The following NEGR1 variants were observed in gnomAD, a reference collection of about 807,000 sequenced individuals.
The protein encoded by NEGR1 is neuronal growth regulator 1.
A neutral mutation model predicts 40.9 loss-of-function variants in NEGR1; 10 were observed. That is an observed-to-expected ratio of 0.24 (90% CI 0.15 to 0.42). The LOEUF (loss-of-function observed/expected upper bound fraction) is 0.42. Ranked by LOEUF, NEGR1 falls within the 10% of genes least tolerant of loss-of-function variation. NEGR1 has a pLI of 1.00. For synonymous variants in NEGR1, 185 were observed against 166.8 expected, an observed-to-expected ratio of 1.11 and a Z score of -0.84; for missense variants, 352 against 438.9, an observed-to-expected ratio of 0.80 and a Z score of 1.77.
At chr1:71,836,476 A>AAG (rs1553168707) in intron 2 of NEGR1, among the ~76,000 whole-genome samples, 1 of 89,668 alleles carries the variant, frequency 1.1e-5, no homozygotes, top group Non-Finnish European at 2.5e-5. Context: ...CAAAATATAT[A>AAG]TGTGTATATA....
intron 4 of NEGR1, among the ~76,000 whole-genome samples, chr1:71,697,036 T>C (rs1324144282): frequency 2.6e-5 from 4 of 151,890 alleles, no homozygotes; most frequent in Non-Finnish European, 4.4e-5. Context: ...TTAGAAGTGT[T>C]TTGAAAGTTA....
At position 71,776,157 on chromosome 1, in the gene NEGR1, G is replaced by A; in HGVS notation, c.535+15C>T. The stretch of plus-strand genomic sequence containing the variant: ...AATGAACAGCACAAACAACACTAAT[G>A]CATTCCTACTTTACCTGATGGGGAG... On this transcript the variant is annotated intron_variant, in intron 3 of 6. Coordinates refer to ENST00000357731, the MANE Select transcript of NEGR1 (RefSeq NM_173808.3). 1 of 1,604,402 alleles carries A rather than the reference G, an allele frequency of 6.2e-7. No homozygotes were observed. The highest frequency in any genetic ancestry group is 8.5e-7 in the Non-Finnish European group (1 of 1,174,182).
At chr1:72,197,386 G>A (rs563465906) in intron 1 of NEGR1, among the ~76,000 whole-genome samples, 4 of 151,900 alleles carry the variant, frequency 2.6e-5, no homozygotes, top group Non-Finnish European at 5.9e-5. Flanking sequence ...TTTGCCTTTA[G>A]ACTTCAATAT....
chr1:71,715,548 T>C (rs1441305051), intron 3 of NEGR1, among the ~76,000 whole-genome samples: 1 of 152,208 alleles, frequency 6.6e-6, no homozygotes, highest in Non-Finnish European at 1.5e-5. Flanking sequence ...TAAAACTGAA[T>C]GCTTTTAAGA....
intron 3 of NEGR1, among the ~76,000 whole-genome samples, chr1:71,753,283 C>A (rs1357296121): frequency 6.6e-6 from 1 of 152,088 alleles, no homozygotes; most frequent in Admixed American, 6.6e-5. Flanking sequence ...TGTAAAATTA[C>A]CTAAATTATT....
intron 1 of NEGR1, among the ~76,000 whole-genome samples, chr1:72,074,435 A>C (rs1045684545): frequency 6.6e-6 from 1 of 151,962 alleles, no homozygotes; most frequent in African/African-American, 2.4e-5. Context: ...CACATATATC[A>C]GTTGGGAAAG....
intron 2 of NEGR1, among the ~76,000 whole-genome samples, chr1:71,842,703 G>C (rs1198215243): frequency 6.6e-6 from 1 of 152,174 alleles, no homozygotes; most frequent in Admixed American, 6.6e-5. Flanking sequence ...CCAGTGGGCA[G>C]TGATTTCCTC....
At chr1:71,800,721 T>C (rs1033944773) in intron 2 of NEGR1, among the ~76,000 whole-genome samples, 2 of 152,288 alleles carry the variant, frequency 1.3e-5, no homozygotes, top group South Asian at 4.1e-4. Context: ...ACTTGAGCAC[T>C]AAGTCCATTC....
chr1:71,656,567 C>A (rs12741137), intron 4 of NEGR1, among the ~76,000 whole-genome samples: 1 of 151,918 alleles, frequency 6.6e-6, no homozygotes, highest in Non-Finnish European at 1.5e-5. Flanking sequence ...CGCCCGCCAC[C>A]GTGCCCGTCT....
intron 1 of NEGR1, among the ~76,000 whole-genome samples, chr1:72,046,614 A>G (rs1053322327): frequency 6.6e-6 from 1 of 151,644 alleles, no homozygotes; most frequent in Admixed American, 6.6e-5. Context: ...TTAAATCTTT[A>G]GTTATTTTGA....
chr1:71,506,306 CAGT>C (rs1569961288), intron 6 of NEGR1, among the ~76,000 whole-genome samples: 1 of 152,302 alleles, frequency 6.6e-6, no homozygotes, highest in East Asian at 1.9e-4. Context: ...CTGTTCGTAA[CAGT>C]AGACCAGGGC....
At chr1:71,813,921 A>G (rs1005886349) in intron 2 of NEGR1, among the ~76,000 whole-genome samples, 15 of 151,978 alleles carry the variant, frequency 9.9e-5, no homozygotes, top group African/African-American at 3.6e-4. Context: ...AATACATTTT[A>G]TTTCTTTCTC....
chr1:72,127,461 C>T (rs1427125549), intron 1 of NEGR1, among the ~76,000 whole-genome samples: 1 of 20,282 alleles, frequency 4.9e-5, no homozygotes, highest in Non-Finnish European at 8.3e-5. Context: ...AAGGCTCTGT[C>T]TCAAAAAAAA....
At chr1:71,410,694 C>T (rs1488875019) in intron 6 of NEGR1, among the ~76,000 whole-genome samples, 1 of 152,188 alleles carries the variant, frequency 6.6e-6, no homozygotes, top group Non-Finnish European at 1.5e-5. Context: ...TGTTATGCAA[C>T]CTTATTCCCA....
chr1:72,003,969 T>A (rs1646580425), intron 1 of NEGR1, among the ~76,000 whole-genome samples: 2 of 152,212 alleles, frequency 1.3e-5, no homozygotes, highest in African/African-American at 4.8e-5. Context: ...AAATGAGAGA[T>A]TAATGAGTAG....
At chr1:71,807,954 T>C (rs1023047018) in intron 2 of NEGR1, among the ~76,000 whole-genome samples, 1 of 152,338 alleles carries the variant, frequency 6.6e-6, no homozygotes, top group South Asian at 2.1e-4. Flanking sequence ...AAATATCTAC[T>C]ATCTAATTCT....
At chr1:72,257,048 C>A (rs1300219631) in intron 1 of NEGR1, among the ~76,000 whole-genome samples, 1 of 152,120 alleles carries the variant, frequency 6.6e-6, no homozygotes, top group East Asian at 1.9e-4. Flanking sequence ...ATAGGCCGGG[C>A]GCGGTGGCTC....
chr1:71,580,277 A>G (rs1649091964), intron 6 of NEGR1, among the ~76,000 whole-genome samples: 3 of 146,052 alleles, frequency 2.1e-5, no homozygotes, highest in African/African-American at 7.5e-5. Flanking sequence ...TGGACACAGG[A>G]AGGGGAACAT....
At chr1:72,196,339 A>C (rs1334640678) in intron 1 of NEGR1, among the ~76,000 whole-genome samples, 1 of 152,134 alleles carries the variant, frequency 6.6e-6, no homozygotes, top group Non-Finnish European at 1.5e-5. Flanking sequence ...CATTTCAGAT[A>C]AGAGATTTTC....
Sources: allele counts gnomAD v4.1 joint callset (sites outside exome capture counted in the v4.1 genomes callset), GRCh38; gene constraint gnomAD v4.1.1; transcripts MANE v1.5; gene names NCBI Gene and HGNC (gene_info 2026-07-23, HGNC 2026-07-21).